NAALADL2: variants seen among roughly 807,000 people sequenced by gnomAD.
NAALADL2 encodes the protein N-acetylated alpha-linked acidic dipeptidase like 2.
In NAALADL2, 76 loss-of-function variants were observed where a neutral mutation model predicts 87.2. The observed-to-expected ratio is 0.87, with a 90% confidence interval of 0.72 to 1.05. The LOEUF is 1.05. NAALADL2 is among the 50% of genes least tolerant of loss of function. The pLI, the probability that NAALADL2 is intolerant of heterozygous loss-of-function variation, is 0.00. For missense variants in NAALADL2, 1,089 were observed against 945.8 expected (o/e 1.15, Z -1.99); for synonymous variants, 354 against 331.0 (o/e 1.07, Z -0.75).
chr3:175,220,954 T>G (rs891548230), intron 2 of NAALADL2, among the ~76,000 whole-genome samples: 3 of 152,140 alleles, frequency 2.0e-5, no homozygotes, highest in Admixed American at 2.0e-4. Flanking sequence ...CCCAGCACTT[T>G]GGGAGGCTGA....
intron 1 of NAALADL2, among the ~76,000 whole-genome samples, chr3:175,055,824 A>G (rs572779156): frequency 6.6e-6 from 1 of 151,764 alleles, no homozygotes; most frequent in Non-Finnish European, 1.5e-5. Context: ...TCCTTTATCC[A>G]CTCTCAGTCC....
intron 10 of NAALADL2, chr3:175,581,206 C>A: frequency 2.9e-6 from 1 of 341,638 alleles, no homozygotes; most frequent in Non-Finnish European, 6.1e-6. Flanking sequence ...CTTTGTGAGG[C>A]TGAGGCGGGA....
intron 3 of NAALADL2, among the ~76,000 whole-genome samples, chr3:174,779,385 G>T (rs945848262): frequency 6.6e-6 from 1 of 152,086 alleles, no homozygotes; most frequent in Admixed American, 6.6e-5. Context: ...CCCTTTATCA[G>T]ATGGATAGAT....
At chr3:175,365,787 T>A (rs1313390694) in intron 5 of NAALADL2, among the ~76,000 whole-genome samples, 1 of 147,652 alleles carries the variant, frequency 6.8e-6, no homozygotes, top group African/African-American at 2.5e-5. Flanking sequence ...ATTTATAATT[T>A]TGCAAAATAT....
At chr3:175,307,504 C>T (rs562915927) in intron 4 of NAALADL2, among the ~76,000 whole-genome samples, 1 of 152,182 alleles carries the variant, frequency 6.6e-6, no homozygotes, top group South Asian at 2.1e-4. Context: ...ATGAAACATG[C>T]AATCAGCTGT....
chr3:175,063,329 T>C (rs1580257069), intron 1 of NAALADL2, among the ~76,000 whole-genome samples: 2 of 152,152 alleles, frequency 1.3e-5, no homozygotes, highest in East Asian at 3.9e-4. Flanking sequence ...TTGCTTAATA[T>C]AGGTAATTTT....
chr3:175,435,384 TATA>T (rs1718448777), intron 5 of NAALADL2, among the ~76,000 whole-genome samples: 1 of 152,062 alleles, frequency 6.6e-6, no homozygotes, highest in Admixed American at 6.6e-5. Context: ...ATTCTGTAAA[TATA>T]ATCAATTCAA....
chr3:174,854,427 A>G (rs1007364903), upstream of NAALADL2, among the ~76,000 whole-genome samples: 17 of 152,182 alleles, frequency 1.1e-4, no homozygotes, highest in Admixed American at 7.2e-4. Context: ...TAATGGGTAC[A>G]AAACTACAGT....
chr3:175,051,838 A>G (rs1755433052), intron 1 of NAALADL2, among the ~76,000 whole-genome samples: 1 of 152,190 alleles, frequency 6.6e-6, no homozygotes, highest in Non-Finnish European at 1.5e-5. Context: ...CCATTTGGCT[A>G]CAAAGCTTAA....
chr3:174,781,740 G>A (rs1339952817), intron 3 of NAALADL2, among the ~76,000 whole-genome samples: 4 of 151,938 alleles, frequency 2.6e-5, no homozygotes, highest in Non-Finnish European at 4.4e-5. Flanking sequence ...CATGTGTTCA[G>A]GAGAGGTAAT....
At chr3:174,856,445 A>G (rs1725875162), upstream of NAALADL2, among the ~76,000 whole-genome samples, 1 of 152,172 alleles carries the variant, frequency 6.6e-6, no homozygotes, top group African/African-American at 2.4e-5. Flanking sequence ...ATTGTGCATC[A>G]TTCTGAGTGA....
intron 2 of NAALADL2, among the ~76,000 whole-genome samples, chr3:175,196,870 C>T (rs1739093202): frequency 6.6e-6 from 1 of 151,708 alleles, no homozygotes; most frequent in African/African-American, 2.4e-5. Context: ...AGTAATTCAG[C>T]TTTTTTTGTG....
intron 3 of NAALADL2, among the ~76,000 whole-genome samples, chr3:174,802,469 T>C (rs1360970990): frequency 6.6e-6 from 1 of 152,194 alleles, no homozygotes; most frequent in Non-Finnish European, 1.5e-5. Context: ...GACTTCTGTA[T>C]ATAATGCTTT....
At chr3:174,742,803 A>G (rs1733884407) in intron 3 of NAALADL2, among the ~76,000 whole-genome samples, 2 of 151,690 alleles carry the variant, frequency 1.3e-5, no homozygotes, top group African/African-American at 4.8e-5. Context: ...GTGTATTATT[A>G]TGAATTTTTA....
intron 11 of NAALADL2, among the ~76,000 whole-genome samples, chr3:175,701,360 C>CT (rs1225977761): frequency 1.3e-5 from 2 of 152,008 alleles, no homozygotes; most frequent in Admixed American, 1.3e-4. Context: ...TTTGGTTTGG[C>CT]TTTTTTAACT....
chr3:175,273,245 G>A (rs916094100), intron 4 of NAALADL2, among the ~76,000 whole-genome samples: 3 of 152,068 alleles, frequency 2.0e-5, no homozygotes, highest in Non-Finnish European at 2.9e-5. Flanking sequence ...GAATGCTGCA[G>A]TTGTTTGTGT....
intron 11 of NAALADL2, among the ~76,000 whole-genome samples, chr3:175,642,650 G>A (rs1317448273): frequency 6.6e-6 from 1 of 151,970 alleles, no homozygotes; most frequent in African/African-American, 2.4e-5. Context: ...ACAGGCACCC[G>A]CCACCACGCC....
intron 2 of NAALADL2, among the ~76,000 whole-genome samples, chr3:174,707,274 A>G (rs111678833): frequency 0.53 from 15,800 of 29,928 alleles, 991 homozygotes; most frequent in Middle Eastern, 0.56. Flanking sequence ...ATACCATTTG[A>G]CCCACCAATC....
At chr3:174,833,615 A>G (rs1722990087) in intron 3 of NAALADL2, among the ~76,000 whole-genome samples, 2 of 152,118 alleles carry the variant, frequency 1.3e-5, no homozygotes, top group East Asian at 1.9e-4. Context: ...GAAAAAAACT[A>G]TACTTTTATG....
Sources: allele counts gnomAD v4.1 joint callset (sites outside exome capture counted in the v4.1 genomes callset), GRCh38; gene constraint gnomAD v4.1.1; transcripts MANE v1.5; gene names NCBI Gene and HGNC (gene_info 2026-07-23, HGNC 2026-07-21).